TAF2: variants seen among roughly 807,000 people sequenced by gnomAD.
The protein encoded by TAF2 is transcription initiation factor TFIID subunit 2.
Under a neutral mutation model 138.5 loss-of-function variants are expected in TAF2, and 61 were observed. That is an observed-to-expected ratio of 0.44 (90% confidence interval 0.36 to 0.54). TAF2 has a LOEUF of 0.54. Ranked by LOEUF, TAF2 falls within the 20% of genes least tolerant of loss-of-function variation. The pLI, the probability that TAF2 is intolerant of heterozygous loss-of-function variation, is 0.00. For missense variants in TAF2, 1,090 were observed against 1,427.9 expected, an observed-to-expected ratio of 0.76 and a Z score of 3.81; for synonymous variants, 475 against 469.9, an observed-to-expected ratio of 1.01 and a Z score of -0.14.
intron 2 of TAF2, among the ~76,000 whole-genome samples, chr8:119,823,127 A>G (rs1316431470): frequency 6.6e-6 from 1 of 152,206 alleles, no homozygotes; most frequent in Admixed American, 6.5e-5. Context: ...AAATATGTTC[A>G]AGACTCAAGG....
At chr8:119,768,511 T>A (rs1048805518) in intron 18 of TAF2, among the ~76,000 whole-genome samples, 1 of 152,232 alleles carries the variant, frequency 6.6e-6, no homozygotes, top group African/African-American at 2.4e-5. Flanking sequence ...TATTCCACTG[T>A]GGTCTGAGAA....
At chr8:119,787,226 G>T (rs1354019874) in intron 14 of TAF2, among the ~76,000 whole-genome samples, 1 of 152,158 alleles carries the variant, frequency 6.6e-6, no homozygotes, top group South Asian at 2.1e-4. Context: ...CCCAGGGGAG[G>T]GATAGCTTTA....
In TAF2 at chr8:119,747,346, G is replaced by C. The variant is rs773100129; in HGVS notation, c.2879-412C>G. Among the ~76,000 whole-genome samples, 15 of 152,260 alleles carry C rather than the reference G, an allele frequency of 9.9e-5. No individual in the cohort carries two copies. The Middle Eastern group carries it at 0.01, about 104-fold the overall frequency. On this transcript the variant is annotated intron_variant, in intron 22 of 25. Coordinates refer to ENST00000378164, the MANE Select transcript of TAF2 (RefSeq NM_003184.4). Reference sequence around the variant, plus strand: ...CAACTACTATTGGACTTATTGTAAAGGAGGAAAATATTTTGCTAAACACCT... The same window carrying C: ...CAACTACTATTGGACTTATTGTAAACGAGGAAAATATTTTGCTAAACACCT...
rs191971789 is a variant in TAF2, at chr8:119,830,222, C to T, written c.138+1455G>A. On this transcript the variant is annotated intron_variant, in intron 2 of 25. Coordinates refer to ENST00000378164, the MANE Select transcript of TAF2 (RefSeq NM_003184.4). ...CCTGAACCTCCATTCTTTTAGCTGC[C>T]TCAATCATGCCTTAATTCTAATATT... Among the ~76,000 whole-genome samples, 30 of 152,130 alleles carry T rather than the reference C, an allele frequency of 2.0e-4. No homozygotes were observed. The East Asian group carries it at 5.6e-3, about 28-fold the overall frequency.
intron 2 of TAF2, among the ~76,000 whole-genome samples, chr8:119,825,104 G>A (rs536264806): frequency 6.0e-4 from 91 of 152,348 alleles, no homozygotes; most frequent in Non-Finnish European, 1.1e-3. Flanking sequence ...CAAGGCAGCC[G>A]GGAGGCTGCA....
At chr8:119,765,387 G>A (rs1003934164) in intron 18 of TAF2, among the ~76,000 whole-genome samples, 8 of 152,142 alleles carry the variant, frequency 5.3e-5, no homozygotes, top group African/African-American at 1.7e-4. Flanking sequence ...CCTATCAGGA[G>A]GATACGCTGA....
At chr8:119,816,338 T>C (rs891505081) in intron 3 of TAF2, among the ~76,000 whole-genome samples, 6 of 152,116 alleles carry the variant, frequency 3.9e-5, no homozygotes, top group African/African-American at 1.4e-4. Flanking sequence ...ATTACAGGCA[T>C]GAGCCACCGC....
chr8:119,796,924 G>C, intron 8 of TAF2, 66 bp downstream of exon 8: 5 of 1,154,910 alleles, frequency 4.3e-6, no homozygotes, highest in Non-Finnish European at 6.5e-6. Context: ...CAGCTTAAAT[G>C]CAGAGAAAGA....
chr8:119,832,336 CT>C (rs1393900983), intron 1 of TAF2, 145 bp downstream of exon 1: 4 of 726,904 alleles, frequency 5.5e-6, no homozygotes, highest in Non-Finnish European at 9.1e-6. Flanking sequence ...ACATTTTTAC[CT>C]TACAAACACC....
intron 5 of TAF2, 105 bp from the exon 6 acceptor site, chr8:119,802,130 A>C: frequency 1.0e-6 from 1 of 984,872 alleles, no homozygotes; most frequent in Non-Finnish European, 1.5e-6. Context: ...AACAAACAAA[A>C]CCTTTAGCTA....
intron 13 of TAF2, 125 bp downstream of exon 13, chr8:119,788,665 T>G (rs1823205908): frequency 2.4e-6 from 2 of 823,366 alleles, no homozygotes. Flanking sequence ...AAAGTCAATG[T>G]TTTCTCAATT....
At chr8:119,758,655 A>T (rs1214932178) in intron 20 of TAF2, among the ~76,000 whole-genome samples, 1 of 152,174 alleles carries the variant, frequency 6.6e-6, no homozygotes, top group African/African-American at 2.4e-5. Context: ...TAGTGCTATG[A>T]ATATAGTTGA....
intron 25 of TAF2, 98 bp downstream of exon 25, chr8:119,742,436 A>G: frequency 1.3e-6 from 2 of 1,487,204 alleles, no homozygotes; most frequent in Non-Finnish European, 9.1e-7. Flanking sequence ...TAAGATCTGT[A>G]TTTTTAAAGG....
intron 11 of TAF2, among the ~76,000 whole-genome samples, chr8:119,791,038 C>T (rs996147574): frequency 1.3e-5 from 2 of 152,100 alleles, no homozygotes; most frequent in Admixed American, 6.6e-5. Flanking sequence ...TGGCCTCAAG[C>T]AATCATCCCA....
chr8:119,756,353 T>C (rs1820702307), intron 21 of TAF2, among the ~76,000 whole-genome samples: 1 of 152,104 alleles, frequency 6.6e-6, no homozygotes, highest in African/African-American at 2.4e-5. Context: ...AAGAGAGTAA[T>C]TAAAAAAAAA....
Position 119,762,577 on chromosome 8 carries a change from A to C in TAF2, c.2396T>G (p.Ile799Ser). ...TGTAACAGAGTTGGCCAGGGCATCA[A>C]TCATTTCTGCACGATAATAGTTATC... ...FSDNYYRAEM[I>S]DALANSVTPA... Residue 799 changes from isoleucine to serine, a missense_variant, in exon 19 of 26, where the codon ATT becomes AGT. Physicochemically the swap from Ile to Ser is moderately radical, Grantham distance 142. Coordinates refer to ENST00000378164, the MANE Select transcript of TAF2 (RefSeq NM_003184.4). The C allele has an allele frequency of 6.2e-7, 1 of 1,613,592 alleles. No individual in the cohort carries two copies. Among genetic ancestry groups the C allele is most frequent in the South Asian group, 1.1e-5 (1 of 90,998 alleles).
At chr8:119,820,077 C>G (rs1219361585) in intron 2 of TAF2, among the ~76,000 whole-genome samples, 1 of 152,130 alleles carries the variant, frequency 6.6e-6, no homozygotes, top group Non-Finnish European at 1.5e-5. Flanking sequence ...GTCAAGTAGT[C>G]CAGAGGCCAT....
Position 119,744,325 on chromosome 8 carries a change from G to C in TAF2, c.3177C>G (p.Ser1059=). Residue 1059 remains serine (S), a synonymous_variant, in exon 24 of 26, where the codon TCC becomes TCG. Transcript: ENST00000378164. ...GCCTTTCAAGCATGTTTAAATGATGGGAAATGAAGGCCTGGCTATCATGAA... is the reference window on the plus strand; with the variant it reads ...GCCTTTCAAGCATGTTTAAATGATGCGAAATGAAGGCCTGGCTATCATGAA... ...DTVHDSQAFI[S]HHLNMLERPS... 6 of 1,613,686 alleles carry C rather than the reference G, an allele frequency of 3.7e-6. No individual in the cohort carries two copies. Among genetic ancestry groups the C allele is most frequent in the Non-Finnish European group, 5.1e-6 (6 of 1,179,884 alleles).
chr8:119,832,606 G>C lies in TAF2; in HGVS notation c.-42C>G, dbSNP rs11552092. 111,014 of 1,578,928 alleles carry C rather than the reference G, an allele frequency of 0.07. 5,212 individuals carry two copies. The highest frequency in any genetic ancestry group is 0.22 in the African/African-American group (16,448 of 74,366). On this transcript the variant is annotated 5_prime_UTR_variant, in exon 1 of 26. It adds an upstream start codon to the 5' untranslated region. Transcript: ENST00000378164. ...GCTTGGCTTCCCGGCTTCCTAGGGG[G>C]ATACGGGGCATTACTAGTCTTTGGC...
Sources: gnomAD v4.1 joint callset for allele counts (sites outside exome capture counted in the v4.1 genomes callset) on GRCh38, gnomAD v4.1.1 for gene constraint, MANE v1.5 for transcripts, NCBI Gene and HGNC (gene_info 2026-07-23, HGNC 2026-07-21) for gene names.